RASGRF2: variants seen among roughly 807,000 people sequenced by gnomAD.
RASGRF2 encodes ras-specific guanine nucleotide-releasing factor 2.
In RASGRF2, 76 loss-of-function variants were observed where a neutral mutation model predicts 151.0. That is an observed-to-expected ratio of 0.50 (90% CI 0.42 to 0.61). The LOEUF is 0.61. Ranked by LOEUF, RASGRF2 falls within the 20% of genes least tolerant of loss-of-function variation. The probability of loss-of-function intolerance (pLI) is 0.00; values close to 1 mark genes in which losing one functional copy is unlikely to be tolerated. For synonymous variants in RASGRF2, 504 were observed against 566.5 expected, an observed-to-expected ratio of 0.89 and a Z score of 1.57; for missense variants, 1,148 against 1,564.6, an observed-to-expected ratio of 0.73 and a Z score of 4.49.
At chr5:81,192,971 A>G (rs1430830653) in intron 18 of RASGRF2, among the ~76,000 whole-genome samples, 1 of 152,196 alleles carries the variant, frequency 6.6e-6, no homozygotes, top group Non-Finnish European at 1.5e-5. Context: ...AGCTCAACAC[A>G]TCCTGAGTCC....
At chr5:80,995,968 C>T (rs1382862352) in intron 1 of RASGRF2, among the ~76,000 whole-genome samples, 1 of 152,070 alleles carries the variant, frequency 6.6e-6, no homozygotes, top group Non-Finnish European at 1.5e-5. Context: ...GCTGGGATTA[C>T]AGGTGTGAGA....
intron 17 of RASGRF2, among the ~76,000 whole-genome samples, chr5:81,134,191 T>A (rs1753698798): frequency 1.3e-5 from 2 of 151,946 alleles, no homozygotes; most frequent in Non-Finnish European, 2.9e-5. Flanking sequence ...TGGATGTAGA[T>A]GGATTTCATG....
chr5:81,050,216 C>T (rs1750968300), intron 2 of RASGRF2, among the ~76,000 whole-genome samples: 1 of 152,166 alleles, frequency 6.6e-6, no homozygotes, highest in African/African-American at 2.4e-5. Flanking sequence ...TGCCACCTCG[C>T]CTGTCTCTTC....
At chr5:81,113,953 C>T (rs368746911) in intron 15 of RASGRF2, 33 bp downstream of exon 15, 2 of 1,580,616 alleles carry the variant, frequency 1.3e-6, no homozygotes, top group African/African-American at 1.3e-5. Context: ...AATTACACCC[C>T]ACATTTGCTG....
chr5:81,038,567 C>CTTTTTTTT lies in RASGRF2; in HGVS notation c.289-4294_289-4287dup, dbSNP rs56205345. Reference sequence around the variant, plus strand: ...AAAAATATTGATTTGTAAATATTTGCTTTTTTTTTTTTTTTTTTTTTTTGT... The same window carrying CTTTTTTTT: ...AAAAATATTGATTTGTAAATATTTGCTTTTTTTTTTTTTTTTTTTTTTTTTTTTTTTGT... On this transcript the variant is annotated intron_variant, in intron 1 of 26. Transcript: ENST00000265080. Among the ~76,000 whole-genome samples the CTTTTTTTT allele has an allele frequency of 9.7e-4, 81 of 83,914 alleles. 1 individual carries two copies. Among genetic ancestry groups the CTTTTTTTT allele is most frequent in the Non-Finnish European group, 1.1e-3 (51 of 44,416 alleles). The allele number at this position is 83,914 out of a possible 152,430, so 55.1% of individuals were successfully genotyped here.
In RASGRF2 at chr5:81,180,813, G is replaced by A. The variant is rs1199260896; in HGVS notation, c.2793+532G>A. On this transcript the variant is annotated intron_variant, in intron 18 of 26. Coordinates refer to ENST00000265080, the MANE Select transcript of RASGRF2 (RefSeq NM_006909.3). ...GCCCGTTGATGTTTTGGGTCCCAAT[G>A]CTGTTTTTAAATTGTGTTACACTGA... 1.8e-4 allele frequency among the ~76,000 whole-genome samples: 28 copies of A among 152,010 alleles called. 1 individual carries two copies. Among genetic ancestry groups the A allele is most frequent in the Admixed American group, 1.8e-3 (28 of 15,258 alleles).
chr5:81,145,899 T>A (rs1345755764), intron 17 of RASGRF2, among the ~76,000 whole-genome samples: 1 of 152,232 alleles, frequency 6.6e-6, no homozygotes, highest in Non-Finnish European at 1.5e-5. Flanking sequence ...TACAGATAAC[T>A]CATACAGGTG....
intron 22 of RASGRF2, among the ~76,000 whole-genome samples, chr5:81,209,236 A>T (rs1320497606): frequency 2.0e-5 from 3 of 151,986 alleles, no homozygotes; most frequent in African/African-American, 7.3e-5. Context: ...CTGTCAGTCC[A>T]TCTTACAGCT....
chr5:81,043,176 G>T (rs1477628899), intron 2 of RASGRF2, among the ~76,000 whole-genome samples, 193 bp downstream of exon 2: 2 of 152,192 alleles, frequency 1.3e-5, no homozygotes, highest in African/African-American at 2.4e-5. Flanking sequence ...AATGGTAATA[G>T]ATACAATGAT....
chr5:81,171,886 C>T (rs898060470), intron 17 of RASGRF2, among the ~76,000 whole-genome samples: 8 of 152,128 alleles, frequency 5.3e-5, no homozygotes, highest in African/African-American at 1.7e-4. Context: ...AGTCACCTTC[C>T]GCCTTTTTCC....
chr5:80,991,460 C>T (rs941948087), intron 1 of RASGRF2, among the ~76,000 whole-genome samples: 1 of 152,178 alleles, frequency 6.6e-6, no homozygotes, highest in African/African-American at 2.4e-5. Context: ...TCAGGCAGGA[C>T]CTGAGAGTCT....
chr5:81,008,139 CTT>C (rs58105434), intron 1 of RASGRF2, among the ~76,000 whole-genome samples: 378 of 85,208 alleles, frequency 4.4e-3, no homozygotes, highest in African/African-American at 0.012. Flanking sequence ...TCTTTCTTTC[CTT>C]TTTTTTTTTT....
intron 25 of RASGRF2, among the ~76,000 whole-genome samples, chr5:81,218,727 C>T (rs1391558028): frequency 6.6e-6 from 1 of 152,096 alleles, no homozygotes. Flanking sequence ...TTGTCTAATT[C>T]TGTGAAGAAT....
chr5:81,026,348 T>C (rs1310771112), intron 1 of RASGRF2, among the ~76,000 whole-genome samples: 1 of 151,934 alleles, frequency 6.6e-6, no homozygotes, highest in African/African-American at 2.4e-5. Flanking sequence ...CCCTCAGTGG[T>C]CTCCCTAGGG....
intron 1 of RASGRF2, among the ~76,000 whole-genome samples, chr5:81,031,634 G>A (rs4312864): frequency 0.081 from 12,334 of 152,086 alleles, 720 homozygotes; most frequent in East Asian, 0.16. Context: ...CAAATCTCTG[G>A]GACACATTTA....
chr5:81,215,769 G>A (rs1755723154), intron 23 of RASGRF2, 107 bp from the exon 24 acceptor site: 2 of 1,312,734 alleles, frequency 1.5e-6, no homozygotes, highest in Non-Finnish European at 2.0e-6. Context: ...TCTGGCAAAG[G>A]TGTCAGCACC....
At chr5:81,182,737 AT>A (rs1754946486) in intron 18 of RASGRF2, among the ~76,000 whole-genome samples, 1 of 152,170 alleles carries the variant, frequency 6.6e-6, no homozygotes, top group Non-Finnish European at 1.5e-5. Flanking sequence ...AGCCTGGGCC[AT>A]TTCATTCAGA....
Position 81,092,899 on chromosome 5 carries a change from T to G in RASGRF2, c.1489T>G (p.Leu497Val). The part of the protein sequence containing the change: ...LKKEGERQCF[L>V]FTKHFLICTR... The stretch of plus-strand genomic sequence containing the variant: ...AAAGGAAGGAGAGAGACAATGCTTC[T>G]TATTTACAAAACACTTTTTAATATG... Residue 497 changes from leucine to valine, a missense_variant, in exon 10 of 27, where the codon TTA becomes GTA. Leu to Val is a conservative substitution (Grantham distance 32). Around this residue, in one of 5 missense-constraint regions of RASGRF2, gnomAD observed 646 missense variants for 807.4 expected, o/e 0.80. Coordinates refer to ENST00000265080, the MANE Select transcript of RASGRF2 (RefSeq NM_006909.3). 6.2e-7 allele frequency: 1 copy of G among 1,612,886 alleles called. No individual in the cohort carries two copies. Among genetic ancestry groups the G allele is most frequent in the Non-Finnish European group, 8.5e-7 (1 of 1,178,880 alleles).
chr5:81,184,362 C>T (rs185604700), intron 18 of RASGRF2, among the ~76,000 whole-genome samples: 15 of 152,286 alleles, frequency 9.8e-5, no homozygotes, highest in Admixed American at 3.3e-4. Context: ...GTCCTCTGCG[C>T]GCAGACAGAT....
Sources: allele counts gnomAD v4.1 joint callset (sites outside exome capture counted in the v4.1 genomes callset), GRCh38; gene constraint gnomAD v4.1.1; regional missense constraint gnomAD v4.1.1; transcripts MANE v1.5; gene names NCBI Gene and HGNC (gene_info 2026-07-23, HGNC 2026-07-21).